The following GALNT2 variants were observed in gnomAD, a reference collection of about 807,000 sequenced individuals.
GALNT2 encodes UDP-GalNAc:polypeptide N-acetylgalactosaminyltransferase 2.
GALNT2 carries 31 observed loss-of-function variants against 81.4 expected under a neutral mutation model. That is an observed-to-expected ratio of 0.38 (90% CI 0.29 to 0.51). The LOEUF is 0.51. Ranked by LOEUF, GALNT2 falls within the 20% of genes least tolerant of loss-of-function variation. The pLI is 0.87. For missense variants in GALNT2, 629 were observed against 765.7 expected (o/e 0.82, Z 2.11); for synonymous variants, 303 against 287.4 (o/e 1.05, Z -0.55).
chr1:230,277,606 T>G (rs1371936784), intron 15 of GALNT2, among the ~76,000 whole-genome samples: 1 of 152,192 alleles, frequency 6.6e-6, no homozygotes, highest in African/African-American at 2.4e-5. Context: ...CTCCTCTGAT[T>G]GCACTGTCTT....
intron 8 of GALNT2, 35 bp from the exon 9 acceptor site, chr1:230,249,149 C>T: frequency 6.3e-7 from 1 of 1,596,252 alleles, no homozygotes; most frequent in Non-Finnish European, 8.6e-7. Flanking sequence ...TGGCCAGTCT[C>T]TTGTCAACAC....
At chr1:230,058,501 ACT>A (rs1454789768) in intron 1 of GALNT2, among the ~76,000 whole-genome samples, 1 of 151,918 alleles carries the variant, frequency 6.6e-6, no homozygotes, top group African/African-American at 2.4e-5. Context: ...CCTCCTAGTG[ACT>A]CAGTCTCCCT....
At chr1:230,260,597 A>G (rs1217003713) in intron 11 of GALNT2, among the ~76,000 whole-genome samples, 1 of 152,214 alleles carries the variant, frequency 6.6e-6, no homozygotes, top group African/African-American at 2.4e-5. Flanking sequence ...TGTTGGGGAA[A>G]TCCAGGTGCC....
chr1:230,075,308 T>C, intron 1 of GALNT2, among the ~76,000 whole-genome samples: 2 of 152,046 alleles, frequency 1.3e-5, no homozygotes, highest in East Asian at 3.9e-4. Context: ...GTATTTTTAA[T>C]AGAGACAGGG....
At chr1:230,152,327 G>A (rs558356763) in intron 1 of GALNT2, among the ~76,000 whole-genome samples, 6 of 152,246 alleles carry the variant, frequency 3.9e-5, no homozygotes, top group Admixed American at 6.5e-5. Flanking sequence ...AAGCGCATCC[G>A]ACACTTGGCT....
chr1:230,123,865 A>G (rs1004899640), intron 1 of GALNT2, among the ~76,000 whole-genome samples: 1 of 152,158 alleles, frequency 6.6e-6, no homozygotes, highest in African/African-American at 2.4e-5. Context: ...TGACCTGCAC[A>G]CTTAGCAGAT....
rs1225932222 is a variant in GALNT2, at chr1:230,243,450, G to C, written c.729+23G>C. The C allele has an allele frequency of 6.2e-7, 1 of 1,607,606 alleles. No individual in the cohort carries two copies. The highest frequency in any genetic ancestry group is 1.7e-5 in the Admixed American group (1 of 59,836). Reference sequence around the variant, plus strand: ...GAGGTGAGATGACGGGGGCTGGGAGGGGTGTCAGGTCGTGGGTGGTTGGTA... The same window carrying C: ...GAGGTGAGATGACGGGGGCTGGGAGCGGTGTCAGGTCGTGGGTGGTTGGTA... On this transcript the variant is annotated intron_variant, in intron 7 of 15. Transcript: ENST00000366672. The surrounding 1 kb of genome is among the most constrained non-coding windows in gnomAD (Gnocchi z 4.2).
rs770283690 is a variant in GALNT2 at position 230,255,267 on chromosome 1, G to A, written c.1059G>A (p.Pro353=). ...WQCGGSLEII[P]CSRVGHVFRK... is the part of the protein sequence containing the mutation. ...GTGGTGGCAGCCTGGAGATCATCCC[G>A]TGCAGCCGTGTGGGACACGTGTTCC... Residue 353 remains proline, a synonymous_variant, in exon 11 of 16, where the codon CCG becomes CCA. Transcript: ENST00000366672. 46 of 1,614,110 alleles carry A rather than the reference G, an allele frequency of 2.8e-5. No individual in the cohort carries two copies. The highest frequency in any genetic ancestry group is 4.4e-5 in the South Asian group (4 of 91,088).
At chr1:230,134,324 G>T (rs1661467987) in intron 1 of GALNT2, among the ~76,000 whole-genome samples, 1 of 152,058 alleles carries the variant, frequency 6.6e-6, no homozygotes, top group Non-Finnish European at 1.5e-5. Context: ...AGCCAGGGTG[G>T]TCTCAATCTC....
chr1:230,164,701 T>G (rs1457204704), intron 1 of GALNT2, among the ~76,000 whole-genome samples: 1 of 152,098 alleles, frequency 6.6e-6, no homozygotes, highest in Non-Finnish European at 1.5e-5. Flanking sequence ...GCCTGGCTAA[T>G]TTTTTGTAGT....
chr1:230,181,214 T>C (rs895227566), intron 2 of GALNT2, among the ~76,000 whole-genome samples: 4 of 152,184 alleles, frequency 2.6e-5, no homozygotes. Flanking sequence ...CCATTAAGTA[T>C]GATGTTAGCT....
chr1:230,224,139 G>T lies in GALNT2; in HGVS notation c.375-11875G>T, dbSNP rs76241632. ...AACTCACGTATCCAAGAGGACGATG[G>T]TGGGCACCAGGAGGCAGAGGGAGTT... On this transcript the variant is annotated intron_variant, in intron 3 of 15. Transcript: ENST00000366672. Among the ~76,000 whole-genome samples, 1,642 of 152,304 alleles carry T rather than the reference G, an allele frequency of 0.011. 137 individuals are homozygous for T. The East Asian group carries it at 0.2, about 19-fold the overall frequency.
chr1:230,276,676 T>C (rs111295685), intron 15 of GALNT2, among the ~76,000 whole-genome samples: 77 of 152,332 alleles, frequency 5.1e-4, no homozygotes, highest in African/African-American at 1.8e-3. Context: ...AGTCCCAGCC[T>C]GTCCTGGCAG....
intron 1 of GALNT2, among the ~76,000 whole-genome samples, chr1:230,082,899 AGGATGATGGACAG>A (rs1659779008): frequency 6.6e-6 from 1 of 151,688 alleles, no homozygotes; most frequent in Admixed American, 6.6e-5. Flanking sequence ...ACAAGCAGCC[AGGATGATGGACAG>A]GGAGCTGGGA....
At chr1:230,268,816 G>T (rs956694007) in intron 14 of GALNT2, among the ~76,000 whole-genome samples, 1 of 152,150 alleles carries the variant, frequency 6.6e-6, no homozygotes, top group African/African-American at 2.4e-5. Flanking sequence ...CTCACCCCCC[G>T]GTCCTGCCCA....
At chr1:230,072,144 AG>A (rs1659395069) in intron 1 of GALNT2, among the ~76,000 whole-genome samples, 1 of 151,218 alleles carries the variant, frequency 6.6e-6, no homozygotes, top group Non-Finnish European at 1.5e-5. Context: ...ACAGAGGAAG[AG>A]GTGGTCAGAA....
chr1:230,161,250 G>T (rs1035075600), intron 1 of GALNT2, among the ~76,000 whole-genome samples: 2 of 152,174 alleles, frequency 1.3e-5, no homozygotes, highest in African/African-American at 4.8e-5. Flanking sequence ...TATAGTATTT[G>T]CTAGCTATTG....
intron 6 of GALNT2, among the ~76,000 whole-genome samples, chr1:230,239,099 G>C (rs1665119009): frequency 6.6e-6 from 1 of 151,886 alleles, no homozygotes; most frequent in Non-Finnish European, 1.5e-5. Context: ...ATATTTATTG[G>C]CTCAAAGTTG....
At chr1:230,228,831 C>G (rs1664791473) in intron 3 of GALNT2, among the ~76,000 whole-genome samples, 1 of 152,140 alleles carries the variant, frequency 6.6e-6, no homozygotes, top group Non-Finnish European at 1.5e-5. Context: ...TGAAAAAACC[C>G]TGCGTGACAC....
Sources: gnomAD v4.1 joint callset for allele counts (sites outside exome capture counted in the v4.1 genomes callset) on GRCh38, gnomAD v4.1.1 for gene constraint, Gnocchi (gnomAD v3.1) non-coding constraint, MANE v1.5 for transcripts, NCBI Gene and HGNC (gene_info 2026-07-23, HGNC 2026-07-21) for gene names.